PCDHB7: variants seen among roughly 807,000 people sequenced by gnomAD.
The protein encoded by PCDHB7 is protocadherin beta-7.
For synonymous variants in PCDHB7, 542 were observed against 463.1 expected (o/e 1.17, Z -2.19); for missense variants, 1,148 against 1,011.6 (o/e 1.13, Z -1.83).
At position 141,173,503 on chromosome 5, in the gene PCDHB7, C is replaced by T; in HGVS notation, c.668C>T (p.Ser223Leu). 6.2e-7 allele frequency: 1 copy of T among 1,614,100 alleles called. No homozygotes were observed. The highest frequency in any genetic ancestry group is 1.1e-5 in the South Asian group (1 of 91,066). Residue 223 changes from serine to leucine, a missense_variant, in exon 1 of 1, where the codon TCA becomes TTA. Physicochemically the swap from Ser to Leu is moderately radical, Grantham distance 145. Coordinates refer to ENST00000231137, the MANE Select transcript of PCDHB7 (RefSeq NM_018940.4). ...TTAGACGGCGGCTCTCCTCCAAGAT[C>T]AGGGACCGCCCTCGTGCGCATTCTG... ...TALDGGSPPRSGTALVRILVL... is the reference protein window; with the variant it reads ...TALDGGSPPRLGTALVRILVL...
chr5:141,175,270 TATTG>T lies in PCDHB7; in HGVS notation c.*54_*57del. On this transcript the variant is annotated 3_prime_UTR_variant, in exon 1 of 1. Coordinates refer to ENST00000231137, the MANE Select transcript of PCDHB7 (RefSeq NM_018940.4). ...GTGAATACGTTTCTGATTAGGAACT[TATTG>T]CGAGGTTCCCTTAAGGGAGTGTCTT... The T allele has an allele frequency of 3.3e-6, 5 of 1,506,106 alleles. No individual in the cohort carries two copies. In the South Asian group the frequency reaches 5.1e-5, roughly 15 times the overall value. 93.3% of individuals were successfully genotyped at this position (1,506,106 alleles called of 1,614,324 possible). A position where few individuals can be genotyped will look rare whatever the true frequency, so the allele number is the denominator to read the frequency against.
rs201552339 is a variant in PCDHB7 at position 141,173,850 on chromosome 5, G to C, written c.1015G>C (p.Asp339His). 401 of 1,613,982 alleles carry C rather than the reference G, an allele frequency of 2.5e-4. No homozygotes were observed. Among genetic ancestry groups the C allele is most frequent in the Non-Finnish European group, 3.1e-4 (360 of 1,180,004 alleles). ...ATGCACTGTAGTGGTTGATGTAACA[G>C]ATATAAACGATAATCGACCCGAGCT... ...GKCTVVVDVT[D>H]INDNRPELLL... The change falls in exon 1 of 1, where the codon GAT becomes CAT. Residue 339 changes from aspartate (D) to histidine (H), a missense_variant. Transcript: ENST00000231137.
chr5:141,175,579 G>A lies in PCDHB7; in HGVS notation c.*362G>A. The A allele has an allele frequency of 3.9e-6, 1 of 258,412 alleles. No homozygotes were observed. The highest frequency in any genetic ancestry group is 7.6e-6 in the Non-Finnish European group (1 of 132,032). 16.0% of individuals were successfully genotyped at this position (258,412 alleles called of 1,614,324 possible). Reference sequence around the variant, plus strand: ...CCTAGTCTCAGAAGCATAGACTGTAGAGTATCTTTTTAAGCATTTTTAAAA... The same window carrying A: ...CCTAGTCTCAGAAGCATAGACTGTAAAGTATCTTTTTAAGCATTTTTAAAA... On this transcript the variant is annotated 3_prime_UTR_variant, in exon 1 of 1. Coordinates refer to ENST00000231137, the MANE Select transcript of PCDHB7 (RefSeq NM_018940.4).
chr5:141,173,625 G>C lies in PCDHB7; in HGVS notation c.790G>C (p.Val264Leu), dbSNP rs782229983. Residue 264 changes from valine (V) to leucine (L), a missense_variant, in exon 1 of 1, where the codon GTG (valine) becomes CTG (leucine). Transcript: ENST00000231137. ...NSPVGSMVVSVSARDLDTGSN... is the reference protein window; with the variant it reads ...NSPVGSMVVSLSARDLDTGSN... ...CCCCGTTGGTTCCATGGTTGTCTCC[G>C]TGTCAGCCAGAGATTTAGATACCGG... is the stretch of plus-strand genomic sequence containing the variant. 11 of 1,614,136 alleles carry C rather than the reference G, an allele frequency of 6.8e-6. No individual in the cohort carries two copies. Among genetic ancestry groups the C allele is most frequent in the Non-Finnish European group, 9.3e-6 (11 of 1,180,036 alleles).
At position 141,175,135 on chromosome 5, in the gene PCDHB7, C is replaced by CA; in HGVS notation, c.2302dup (p.Ile768AsnfsTer23). The CA allele has an allele frequency of 6.2e-7, 1 of 1,614,182 alleles. No homozygotes were observed. The highest frequency in any genetic ancestry group is 8.5e-7 in the Non-Finnish European group (1 of 1,180,030). On this transcript the variant is annotated frameshift_variant, in exon 1 of 1. Coordinates refer to ENST00000231137, the MANE Select transcript of PCDHB7 (RefSeq NM_018940.4). LOFTEE classifies it low-confidence loss of function (END_TRUNC). Reference sequence around the variant, plus strand: ...ACAAATGAGTTCAAGTTTCTGAAACCAATTATCCCCAACCTGCTACCCCAG... The same window carrying CA: ...ACAAATGAGTTCAAGTTTCTGAAACCAAATTATCCCCAACCTGCTACCCCAG...
In PCDHB7 at chr5:141,174,198, T is replaced by G; in HGVS notation, c.1363T>G (p.Ser455Ala). The G allele has an allele frequency of 6.2e-7, 1 of 1,613,234 alleles. No homozygotes were observed. Among genetic ancestry groups the G allele is most frequent in the Non-Finnish European group, 8.5e-7 (1 of 1,179,998 alleles). ...CAACGCTCCCGCCTTCACCCAAACC[T>G]CCTACACCCTGTTTGTCCGTGAGAA... The part of the protein sequence containing the change: ...NDNAPAFTQT[S>A]YTLFVRENNS... The change falls in exon 1 of 1, where the codon TCC becomes GCC. Residue 455 changes from serine (S) to alanine (A), a missense_variant. Coordinates refer to ENST00000231137, the MANE Select transcript of PCDHB7 (RefSeq NM_018940.4).
Position 141,173,509 on chromosome 5 carries a change from CCG to C in PCDHB7, c.676_677del (p.Ala226ProfsTer11). ...GGCGGCTCTCCTCCAAGATCAGGGA[CCG>C]CCCTCGTGCGCATTCTGGTTCTAGA... On this transcript the variant is annotated frameshift_variant, in exon 1 of 1. Coordinates refer to ENST00000231137, the MANE Select transcript of PCDHB7 (RefSeq NM_018940.4). LOFTEE classifies it low-confidence loss of function (END_TRUNC). The C allele has an allele frequency of 6.2e-7, 1 of 1,614,014 alleles. No individual in the cohort carries two copies.
chr5:141,173,280 G>A lies in PCDHB7; in HGVS notation c.445G>A (p.Gly149Arg). ...SLKILESTTP[G>R]AAFLLESAQD... is the part of the protein sequence containing the mutation. ...GAAAATATTAGAAAGTACCACTCCA[G>A]GGGCGGCATTTCTCCTAGAGAGTGC... Residue 149 changes from glycine (G) to arginine (R), a missense_variant, in exon 1 of 1, where the codon GGG becomes AGG. Coordinates refer to ENST00000231137, the MANE Select transcript of PCDHB7 (RefSeq NM_018940.4). 6.2e-7 allele frequency: 1 copy of A among 1,614,142 alleles called. No homozygotes were observed. Among genetic ancestry groups the A allele is most frequent in the Non-Finnish European group, 8.5e-7 (1 of 1,180,014 alleles).
rs139293565 is a variant in PCDHB7 at position 141,174,674 on chromosome 5, G to A, written c.1839G>A (p.Gly613=). ...SYQLLKATEP[G]LFGVWAHNGE... ...AGCTGCTCAAGGCCACGGAGCCCGG[G>A]CTATTCGGCGTGTGGGCGCACAATG... The change falls in exon 1 of 1, where the codon GGG becomes GGA. Residue 613 remains glycine (G), a synonymous_variant. Coordinates refer to ENST00000231137, the MANE Select transcript of PCDHB7 (RefSeq NM_018940.4). 8 of 1,610,300 alleles carry A rather than the reference G, an allele frequency of 5.0e-6. No individual in the cohort carries two copies. The African/African-American group carries it at 9.4e-5, about 19-fold the overall frequency.
In PCDHB7 at chr5:141,174,003, C is replaced by A. The variant is rs1161117185; in HGVS notation, c.1168C>A (p.Pro390Thr). 2.5e-6 allele frequency: 4 copies of A among 1,613,978 alleles called. No homozygotes were observed. In the Admixed American group the frequency reaches 6.7e-5, roughly 27 times the overall value. ...KTVCSIQDDV[P>T]FILKPSVENF... ...AGTGTGCTCCATCCAGGACGATGTC[C>A]CCTTCATCCTGAAGCCATCTGTCGA... The change falls in exon 1 of 1, where the codon CCC becomes ACC. Residue 390 changes from proline (P) to threonine (T), a missense_variant. Coordinates refer to ENST00000231137, the MANE Select transcript of PCDHB7 (RefSeq NM_018940.4).
chr5:141,173,523 A>G lies in PCDHB7; in HGVS notation c.688A>G (p.Ile230Val). The G allele has an allele frequency of 6.2e-7, 1 of 1,613,870 alleles. No individual in the cohort carries two copies. Among genetic ancestry groups the G allele is most frequent in the African/African-American group, 1.3e-5 (1 of 75,012 alleles). Residue 230 changes from isoleucine to valine, a missense_variant, in exon 1 of 1, where the codon ATT becomes GTT. Ile to Val is a conservative substitution (Grantham distance 29). Coordinates refer to ENST00000231137, the MANE Select transcript of PCDHB7 (RefSeq NM_018940.4). ...AAGATCAGGGACCGCCCTCGTGCGC[A>G]TTCTGGTTCTAGACGTAAATGACAA... The part of the protein sequence containing the change: ...PPRSGTALVR[I>V]LVLDVNDNAP...
rs1339430323 is a variant in PCDHB7 at position 141,175,150 on chromosome 5, T to C, written c.2315T>C (p.Leu772Pro). 6.2e-7 allele frequency: 1 copy of C among 1,614,098 alleles called. No homozygotes were observed. Among genetic ancestry groups the C allele is most frequent in the South Asian group, 1.1e-5 (1 of 91,076 alleles). ...FKFLKPIIPN[L>P]LPQSTGREVE... ...TTTCTGAAACCAATTATCCCCAACC[T>C]GCTACCCCAGAGCACAGGCAGGGAA... The change falls in exon 1 of 1, where the codon CTG becomes CCG. Residue 772 changes from leucine to proline, a missense_variant. Transcript: ENST00000231137.
chr5:141,174,522 T>C lies in PCDHB7; in HGVS notation c.1687T>C (p.Tyr563His), dbSNP rs782284473. 3 of 1,610,668 alleles carry C rather than the reference T, an allele frequency of 1.9e-6. No individual in the cohort carries two copies. Residue 563 changes from tyrosine to histidine, a missense_variant, in exon 1 of 1, where the codon TAC becomes CAC. By Grantham distance (83) the Tyr-to-His change is moderately conservative. Transcript: ENST00000231137. Reference protein sequence around the residue: ...DANDNSPFVLYPLQNSSAPCT... With the variant: ...DANDNSPFVLHPLQNSSAPCT... ...CAACGACAACTCGCCCTTCGTGCTG[T>C]ACCCGCTGCAGAACAGCTCCGCGCC...
chr5:141,173,637 G>T lies in PCDHB7; in HGVS notation c.802G>T (p.Asp268Tyr), dbSNP rs1554280037. The change falls in exon 1 of 1, where the codon GAT (aspartate) becomes TAT (tyrosine). Residue 268 changes from aspartate (D) to tyrosine (Y), a missense_variant. Coordinates refer to ENST00000231137, the MANE Select transcript of PCDHB7 (RefSeq NM_018940.4). Reference protein sequence around the residue: ...GSMVVSVSARDLDTGSNGEIA... With the variant: ...GSMVVSVSARYLDTGSNGEIA... ...CATGGTTGTCTCCGTGTCAGCCAGA[G>T]ATTTAGATACCGGAAGTAATGGGGA... 1 of 1,614,174 alleles carries T rather than the reference G, an allele frequency of 6.2e-7. No individual in the cohort carries two copies. The highest frequency in any genetic ancestry group is 1.7e-5 in the Admixed American group (1 of 60,024).
rs565482427 is a variant in PCDHB7, at chr5:141,174,150, G to C, written c.1315G>C (p.Val439Leu). ...PRLKTEHNIT[V>L]LVSDVNDNAP... The stretch of plus-strand genomic sequence containing the variant: ...GCTGAAAACCGAGCACAACATAACC[G>C]TGCTGGTCTCCGACGTCAATGACAA... The change falls in exon 1 of 1, where the codon GTG (valine) becomes CTG (leucine). Residue 439 changes from valine to leucine, a missense_variant. Coordinates refer to ENST00000231137, the MANE Select transcript of PCDHB7 (RefSeq NM_018940.4). The C allele has an allele frequency of 2.3e-5, 37 of 1,613,922 alleles. 2 individuals carry two copies. In the South Asian group the frequency reaches 3.4e-4, roughly 15 times the overall value.
chr5:141,173,484 G>T lies in PCDHB7; in HGVS notation c.649G>T (p.Gly217Cys), dbSNP rs370716235. 131 of 1,614,118 alleles carry T rather than the reference G, an allele frequency of 8.1e-5. 1 individual carries two copies. The South Asian group carries it at 1.1e-3, about 14-fold the overall frequency. Residue 217 changes from glycine (G) to cysteine (C), a missense_variant, in exon 1 of 1, where the codon GGC becomes TGC. Physicochemically the swap from Gly to Cys is radical, Grantham distance 159. Coordinates refer to ENST00000231137, the MANE Select transcript of PCDHB7 (RefSeq NM_018940.4). Reference sequence around the variant, plus strand: ...CAGTTTAACCCTCACCGCTTTAGACGGCGGCTCTCCTCCAAGATCAGGGAC... The same window carrying T: ...CAGTTTAACCCTCACCGCTTTAGACTGCGGCTCTCCTCCAAGATCAGGGAC... ...EFSLTLTALD[G>C]GSPPRSGTAL...
At position 141,175,375 on chromosome 5, in the gene PCDHB7, C is replaced by A. The variant is rs1400063924; in HGVS notation, c.*158C>A. 8 of 867,854 alleles carry A rather than the reference C, an allele frequency of 9.2e-6. No individual in the cohort carries two copies. Among genetic ancestry groups the A allele is most frequent in the Non-Finnish European group, 1.2e-5 (7 of 576,658 alleles). 53.8% of individuals were successfully genotyped at this position (867,854 alleles called of 1,614,324 possible). ...ATAAAATAGGATCCTGATTTAGTAT[C>A]AAGAACCCTTCACAAAGCATGAAAT... On this transcript the variant is annotated 3_prime_UTR_variant, in exon 1 of 1. Coordinates refer to ENST00000231137, the MANE Select transcript of PCDHB7 (RefSeq NM_018940.4).
Position 141,174,936 on chromosome 5 carries a change from C to A in PCDHB7, c.2101C>A (p.Leu701Ile), listed in dbSNP as rs11750810. The A allele has an allele frequency of 7.4e-6, 12 of 1,611,078 alleles. No homozygotes were observed. The African/African-American group carries it at 1.6e-4, about 22-fold the overall frequency. The change falls in exon 1 of 1, where the codon CTC becomes ATC. Residue 701 changes from leucine to isoleucine, a missense_variant. Transcript: ENST00000231137. ...GGCCTCGGTGTCTTCGCTCTTCCTC[C>A]TCTCGGTGCTCCTGTTCGTGGCGGT... is the stretch of plus-strand genomic sequence containing the variant. ...ALASVSSLFL[L>I]SVLLFVAVRL... is the part of the protein sequence containing the mutation.
chr5:141,175,501 A>G lies in PCDHB7; in HGVS notation c.*284A>G. On this transcript the variant is annotated 3_prime_UTR_variant, in exon 1 of 1. Coordinates refer to ENST00000231137, the MANE Select transcript of PCDHB7 (RefSeq NM_018940.4). ...TTTTAAATTGCTTTCCATTGTTTTC[A>G]ATCTCTACTGAGACTTCCTGAGTTG... 1 of 447,084 alleles carries G rather than the reference A, an allele frequency of 2.2e-6. No individual in the cohort carries two copies. The highest frequency in any genetic ancestry group is 3.9e-6 in the Non-Finnish European group (1 of 256,696). 27.7% of individuals were successfully genotyped at this position (447,084 alleles called of 1,614,324 possible). A position where few individuals can be genotyped will look rare whatever the true frequency, so the allele number is the denominator to read the frequency against.
Sources: gnomAD v4.1 joint callset for allele counts on GRCh38, gnomAD v4.1.1 for gene constraint, MANE v1.5 for transcripts, NCBI Gene and HGNC (gene_info 2026-07-23, HGNC 2026-07-21) for gene names.